The following HMGN5 variants were observed in gnomAD, a reference collection of about 807,000 sequenced individuals.
The protein encoded by HMGN5 is high mobility group nucleosome binding domain 5.
A neutral mutation model predicts 9.5 loss-of-function variants in HMGN5; 4 were observed. The ratio of observed to expected loss-of-function variants is 0.42; its 90% CI spans 0.21 to 0.96. HMGN5 has a LOEUF of 0.96. Ranked by LOEUF, HMGN5 falls within the 40% of genes least tolerant of loss-of-function variation. HMGN5 has a pLI of 0.30. For synonymous variants in HMGN5, 55 were observed against 57.1 expected, an observed-to-expected ratio of 0.96 and a Z score of 0.16; for missense variants, 192 against 187.5, an observed-to-expected ratio of 1.02 and a Z score of -0.14.
At chrX:81,193,523 G>A (rs1371311567) in intron 1 of HMGN5, among the ~76,000 whole-genome samples, 1 of 112,025 alleles carries the variant, frequency 8.9e-6, no homozygotes, top group South Asian at 3.7e-4. Flanking sequence ...CAGAATCTGT[G>A]AGTATAATAA....
chrX:81,141,734 G>A (rs910013605), intron 1 of HMGN5, among the ~76,000 whole-genome samples: 1 of 111,527 alleles, frequency 9.0e-6, no homozygotes, highest in Non-Finnish European at 1.9e-5. Flanking sequence ...AAGGATGGGT[G>A]CAAACAAGCC....
chrX:81,146,094 G>C (rs1390423704), intron 1 of HMGN5, among the ~76,000 whole-genome samples: 1 of 111,146 alleles, frequency 9.0e-6, no homozygotes, highest in Non-Finnish European at 1.9e-5. Flanking sequence ...ACAGATCAAT[G>C]AGACAGAAAT....
intron 1 of HMGN5, among the ~76,000 whole-genome samples, chrX:81,173,651 C>T (rs971373061): frequency 8.9e-6 from 1 of 111,801 alleles, no homozygotes; most frequent in Non-Finnish European, 1.9e-5. Flanking sequence ...TATATATATA[C>T]TATTTTCTAT....
At chrX:81,171,489 A>G (rs1333684575) in intron 1 of HMGN5, among the ~76,000 whole-genome samples, 1 of 111,514 alleles carries the variant, frequency 9.0e-6, no homozygotes, top group Non-Finnish European at 1.9e-5. Context: ...ATGTTTCCAG[A>G]CTTGACAACA....
chrX:81,163,091 T>A (rs2075402047), intron 1 of HMGN5, among the ~76,000 whole-genome samples: 1 of 111,803 alleles, frequency 8.9e-6, no homozygotes. Flanking sequence ...CTTGTTCTTG[T>A]AACCCATTTG....
At chrX:81,196,545 G>C (rs866787063) in intron 1 of HMGN5, among the ~76,000 whole-genome samples, 1 of 106,014 alleles carries the variant, frequency 9.4e-6, no homozygotes, top group Non-Finnish European at 1.9e-5. Flanking sequence ...TTGTTTGTTT[G>C]TTTTTTGTTT....
intron 1 of HMGN5, among the ~76,000 whole-genome samples, chrX:81,162,399 CT>C (rs1376073902): frequency 9.5e-6 from 1 of 105,623 alleles, no homozygotes; most frequent in Non-Finnish European, 1.9e-5. Context: ...CAAACATAAG[CT>C]TTTTTTATGA....
At chrX:81,142,588 GA>G (rs796653182) in intron 1 of HMGN5, among the ~76,000 whole-genome samples, 18 of 109,567 alleles carry the variant, frequency 1.6e-4, no homozygotes, top group Admixed American at 8.7e-4. Flanking sequence ...AGTACTGAAG[GA>G]AAAAAAAACT....
chrX:81,182,054 A>G (rs989315244), intron 1 of HMGN5, among the ~76,000 whole-genome samples: 4 of 111,495 alleles, frequency 3.6e-5, no homozygotes, highest in African/African-American at 1.3e-4. Flanking sequence ...ACTCACTTAC[A>G]TTACTACCAA....
intron 1 of HMGN5, among the ~76,000 whole-genome samples, chrX:81,193,152 G>A (rs1358735393): frequency 1.8e-5 from 2 of 111,182 alleles, no homozygotes; most frequent in Admixed American, 9.6e-5. Flanking sequence ...GATTATAGCT[G>A]TTCGGAGAAA....
At chrX:81,170,606 C>A (rs1275038415) in intron 1 of HMGN5, among the ~76,000 whole-genome samples, 1 of 110,976 alleles carries the variant, frequency 9.0e-6, no homozygotes, top group African/African-American at 3.3e-5. Flanking sequence ...AATCAATGAT[C>A]CTTCAAATGC....
chrX:81,124,279 C>G lies in HMGN5; in HGVS notation c.-123-2607G>C, dbSNP rs1451271147. Among the ~76,000 whole-genome samples the G allele has an allele frequency of 3.6e-5, 4 of 112,625 alleles. No homozygotes were observed. In the Admixed American group the frequency reaches 3.8e-4, roughly 11 times the overall value. Reference sequence around the variant, plus strand: ...TCATGTTCTTCCTTCTAACCATTAACCAGAGCGGTCCTTTACATTAGCAAA... The same window carrying G: ...TCATGTTCTTCCTTCTAACCATTAAGCAGAGCGGTCCTTTACATTAGCAAA... On this transcript the variant is annotated intron_variant, in intron 1 of 6. Transcript: ENST00000358130.
chrX:81,192,641 A>G (rs1025961729), intron 1 of HMGN5, among the ~76,000 whole-genome samples: 3 of 111,842 alleles, frequency 2.7e-5, no homozygotes, highest in African/African-American at 9.7e-5. Flanking sequence ...ATTCTTTAGT[A>G]TTTCAATTAG....
chrX:81,134,075 A>C (rs978895371), intron 1 of HMGN5, among the ~76,000 whole-genome samples: 34 of 111,555 alleles, frequency 3.0e-4, no homozygotes, highest in African/African-American at 1.1e-3. Flanking sequence ...TGAAACTATG[A>C]ATACATTTAG....
chrX:81,142,582 C>G (rs780116956), intron 1 of HMGN5, among the ~76,000 whole-genome samples: 1 of 110,915 alleles, frequency 9.0e-6, no homozygotes, highest in African/African-American at 3.3e-5. Context: ...ATTCAAAGTA[C>G]TGAAGGAAAA....
At chrX:81,179,757 C>G (rs1395993705) in intron 1 of HMGN5, among the ~76,000 whole-genome samples, 1 of 111,324 alleles carries the variant, frequency 9.0e-6, no homozygotes, top group Non-Finnish European at 1.9e-5. Flanking sequence ...CAATCCTAAG[C>G]AAAAAGAAAA....
intron 1 of HMGN5, among the ~76,000 whole-genome samples, chrX:81,145,602 A>G (rs1348318042): frequency 3.6e-5 from 4 of 111,920 alleles, no homozygotes; most frequent in African/African-American, 1.3e-4. Flanking sequence ...ACTAATTGGC[A>G]AAATAACCAG....
rs191440084 is a variant in HMGN5, at chrX:81,119,942, A to T, written c.16-125T>A. 4 of 590,713 alleles carry T rather than the reference A, an allele frequency of 6.8e-6. No individual in the cohort carries two copies. The East Asian group carries it at 1.5e-4, about 21-fold the overall frequency. The allele number at this position is 590,713 out of a possible 1,213,427, so 48.7% of individuals were successfully genotyped here. A position where few individuals can be genotyped will look rare whatever the true frequency, so the allele number is the denominator to read the frequency against. On this transcript the variant is annotated intron_variant, in intron 2 of 6. Transcript: ENST00000358130. ...ATTACTTTCTCCTGGGTTCCTGCTC[A>T]AGTAGACACGTGTTGTTTCTTAGGA...
At chrX:81,145,581 A>G (rs749643410) in intron 1 of HMGN5, among the ~76,000 whole-genome samples, 2 of 112,101 alleles carry the variant, frequency 1.8e-5, no homozygotes, top group South Asian at 7.5e-4. Context: ...CGCTATGAAG[A>G]AACTGCATCA....
Sources: allele counts gnomAD v4.1 joint callset (sites outside exome capture counted in the v4.1 genomes callset), GRCh38; gene constraint gnomAD v4.1.1; transcripts MANE v1.5; gene names NCBI Gene and HGNC (gene_info 2026-07-23, HGNC 2026-07-21).